TRHDE: variants seen among roughly 807,000 people sequenced by gnomAD.
TRHDE encodes thyrotropin-releasing hormone-degrading ectoenzyme.
In TRHDE, 72 loss-of-function variants were observed where a neutral mutation model predicts 125.7. The observed-to-expected ratio is 0.57, with a 90% CI of 0.47 to 0.70. The LOEUF (loss-of-function observed/expected upper bound fraction) is 0.70, where lower values mean the gene tolerates loss of function less well. Among genes scored for constraint, TRHDE ranks in the 30% least tolerant of loss-of-function variants. TRHDE has a pLI of 0.00. For synonymous variants in TRHDE, 509 were observed against 509.1 expected (o/e 1.00, Z 0.00); for missense variants, 1,110 against 1,327.1 (o/e 0.84, Z 2.54).
intron 2 of TRHDE, among the ~76,000 whole-genome samples, chr12:72,356,371 G>A (rs766135577): frequency 2.0e-4 from 31 of 151,362 alleles, no homozygotes; most frequent in Admixed American, 1.3e-3. Flanking sequence ...AACAGACAAC[G>A]GGGTCTACTT....
At chr12:72,422,637 C>A (rs760029802) in intron 3 of TRHDE, among the ~76,000 whole-genome samples, 2 of 152,128 alleles carry the variant, frequency 1.3e-5, no homozygotes, top group African/African-American at 4.8e-5. Context: ...AGCAAATATG[C>A]GCAAGAAATA....
At chr12:72,628,909 T>C (rs1873367304) in intron 15 of TRHDE, among the ~76,000 whole-genome samples, 1 of 151,826 alleles carries the variant, frequency 6.6e-6, no homozygotes, top group Non-Finnish European at 1.5e-5. Flanking sequence ...ACACTGAAAA[T>C]ACCACTATTC....
At chr12:72,519,024 C>A (rs1879035066) in intron 6 of TRHDE, among the ~76,000 whole-genome samples, 2 of 152,350 alleles carry the variant, frequency 1.3e-5, no homozygotes, top group South Asian at 4.1e-4. Context: ...TGCTGTTAGT[C>A]TGATGGGCTT....
intron 2 of TRHDE, among the ~76,000 whole-genome samples, chr12:72,287,764 T>C (rs568953714): frequency 6.6e-6 from 1 of 152,278 alleles, no homozygotes; most frequent in Non-Finnish European, 1.5e-5. Flanking sequence ...TTGGATTCTC[T>C]TTGATGGCTA....
At chr12:72,202,604 A>T (rs1877582011) in intron 2 of TRHDE, among the ~76,000 whole-genome samples, 1 of 152,126 alleles carries the variant, frequency 6.6e-6, no homozygotes, top group Non-Finnish European at 1.5e-5. Flanking sequence ...CATTAAAATG[A>T]ATTTCTTTTT....
At chr12:72,520,289 C>T (rs900193280) in intron 6 of TRHDE, among the ~76,000 whole-genome samples, 7 of 152,148 alleles carry the variant, frequency 4.6e-5, no homozygotes, top group Non-Finnish European at 8.8e-5. Context: ...TAGCAATCAG[C>T]GAGACTCCGT....
intron 3 of TRHDE, among the ~76,000 whole-genome samples, chr12:72,455,297 C>T (rs187916194): frequency 9.1e-4 from 139 of 152,200 alleles, no homozygotes; most frequent in Non-Finnish European, 1.5e-3. Flanking sequence ...TCTGAAAATG[C>T]AGCATATCTT....
chr12:72,195,936 C>T (rs183563551), intron 2 of TRHDE, among the ~76,000 whole-genome samples: 38 of 152,266 alleles, frequency 2.5e-4, no homozygotes, highest in Middle Eastern at 3.4e-3. Context: ...TTTCGTTCTT[C>T]TGCATATGGC....
chr12:72,562,482 A>G (rs1024802737), intron 8 of TRHDE, among the ~76,000 whole-genome samples: 1 of 151,446 alleles, frequency 6.6e-6, no homozygotes, highest in African/African-American at 2.4e-5. Flanking sequence ...TAAGTTTAAC[A>G]TGGTGTAAGA....
intron 2 of TRHDE, among the ~76,000 whole-genome samples, chr12:72,320,543 C>CTGTGTGTGTGTG (rs59244019): frequency 1.3e-3 from 191 of 143,166 alleles, no homozygotes; most frequent in South Asian, 3.3e-3. Flanking sequence ...AGAGGGTTGA[C>CTGTGTGTGTGTG]TGTGTGTGTG....
Position 72,273,319 on chromosome 12 carries a change from G to C in TRHDE, c.676G>C (p.Val226Leu). The change falls in exon 1 of 19, where the codon GTG becomes CTG. Residue 226 changes from valine (V) to leucine (L), a missense_variant. By Grantham distance (32) the Val-to-Leu change is conservative. Transcript: ENST00000261180. The surrounding 1 kb of genome is among the most constrained non-coding windows in gnomAD (Gnocchi z 5.3). ...GTGCCGGAACGCCACCCGCTACGTA[G>C]TGCTGCACGCTTCCCGAGTGGCGGT... ...IACRNATRYV[V>L]LHASRVAVEK... 6.2e-7 allele frequency: 1 copy of C among 1,614,138 alleles called. No individual in the cohort carries two copies. The highest frequency in any genetic ancestry group is 8.5e-7 in the Non-Finnish European group (1 of 1,180,032).
At chr12:72,539,308 C>CT (rs1869026757) in intron 6 of TRHDE, among the ~76,000 whole-genome samples, 1 of 151,872 alleles carries the variant, frequency 6.6e-6, no homozygotes, top group South Asian at 2.1e-4. Context: ...AACATACCAC[C>CT]TTATTCAATA....
intron 2 of TRHDE, among the ~76,000 whole-genome samples, chr12:72,236,118 T>C (rs1304031546): frequency 1.3e-5 from 2 of 152,174 alleles, no homozygotes; most frequent in Non-Finnish European, 2.9e-5. Context: ...TAGTTAAAGC[T>C]CTCCATCATT....
intron 3 of TRHDE, among the ~76,000 whole-genome samples, chr12:72,461,532 A>G (rs1389407553): frequency 2.0e-5 from 3 of 152,136 alleles, no homozygotes; most frequent in Non-Finnish European, 4.4e-5. Context: ...TCTTCAGAGC[A>G]AGATGTTCCA....
chr12:72,614,326 A>ATT (rs201058717), intron 12 of TRHDE, among the ~76,000 whole-genome samples: 455 of 41,668 alleles, frequency 0.011, 3 homozygotes, highest in South Asian at 0.077. Context: ...ATATATATAT[A>ATT]TATATTTTTT....
At chr12:72,368,927 C>A (rs1273099988) in intron 2 of TRHDE, among the ~76,000 whole-genome samples, 1 of 152,100 alleles carries the variant, frequency 6.6e-6, no homozygotes, top group Non-Finnish European at 1.5e-5. Context: ...CGGATTACAG[C>A]ACTTTTTTCT....
chr12:72,250,335 A>T (rs940483474), intron 2 of TRHDE, among the ~76,000 whole-genome samples: 1 of 152,194 alleles, frequency 6.6e-6, no homozygotes, highest in African/African-American at 2.4e-5. Flanking sequence ...AGGTCATTAA[A>T]GGCTGGCAGT....
rs1875208345 is a variant in TRHDE, at chr12:72,669,887, G to A, written c.*6692G>A. The A allele has an allele frequency of 1.3e-5, 2 of 151,242 alleles. No homozygotes were observed. The highest frequency in any genetic ancestry group is 3.4e-3 in the Middle Eastern group (1 of 290). 9.4% of individuals were successfully genotyped at this position (151,242 alleles called of 1,614,324 possible). On this transcript the variant is annotated 3_prime_UTR_variant, in exon 19 of 19. Transcript: ENST00000261180. Reference sequence around the variant, plus strand: ...TTCATTGCTATCTTTTAATCCCTTTGCATTTTGATAATATCGAAAACAGAT... The same window carrying A: ...TTCATTGCTATCTTTTAATCCCTTTACATTTTGATAATATCGAAAACAGAT...
chr12:72,331,350 C>A (rs1869586558), intron 2 of TRHDE, among the ~76,000 whole-genome samples: 1 of 131,430 alleles, frequency 7.6e-6, no homozygotes, highest in African/African-American at 2.6e-5. Context: ...CCCCTGTTTT[C>A]CAAGAAAATA....
Sources: gnomAD v4.1 joint callset for allele counts (sites outside exome capture counted in the v4.1 genomes callset) on GRCh38, gnomAD v4.1.1 for gene constraint, Gnocchi (gnomAD v3.1) non-coding constraint, MANE v1.5 for transcripts, NCBI Gene and HGNC (gene_info 2026-07-23, HGNC 2026-07-21) for gene names.